Variants in MRPL45 observed in about 807,000 individuals in gnomAD.
MRPL45 encodes the protein large ribosomal subunit protein mL45.
MRPL45 carries 20 observed loss-of-function variants against 38.1 expected under a neutral mutation model. The ratio of observed to expected loss-of-function variants is 0.53; its 90% CI spans 0.37 to 0.76. MRPL45 has a LOEUF of 0.76. MRPL45 is among the 30% of genes least tolerant of loss of function. MRPL45 has a pLI of 0.00. For synonymous variants in MRPL45, 105 were observed against 128.8 expected (o/e 0.82, Z 1.25); for missense variants, 337 against 395.6 (o/e 0.85, Z 1.26).
At chr17:38,309,010 G>C (rs1207415215) in intron 4 of MRPL45, among the ~76,000 whole-genome samples, 2 of 151,518 alleles carry the variant, frequency 1.3e-5, no homozygotes, top group Non-Finnish European at 2.9e-5. Flanking sequence ...AGTTTGAAAC[G>C]ATTCTGCTGC....
chr17:38,313,365 T>C (rs1449979696), intron 4 of MRPL45, among the ~76,000 whole-genome samples: 1 of 18,592 alleles, frequency 5.4e-5, no homozygotes, highest in African/African-American at 2.1e-4. Context: ...TATATATATA[T>C]ACGTATATAT....
intron 4 of MRPL45, among the ~76,000 whole-genome samples, chr17:38,313,367 C>T (rs1390721868): frequency 1.2e-4 from 2 of 17,060 alleles, no homozygotes; most frequent in East Asian, 1.1e-3. Flanking sequence ...TATATATATA[C>T]GTATATATAT....
At chr17:38,312,109 C>T (rs2037118462) in intron 4 of MRPL45, among the ~76,000 whole-genome samples, 2 of 148,734 alleles carry the variant, frequency 1.3e-5, no homozygotes, top group South Asian at 2.1e-4. Context: ...TGTAATGGCT[C>T]GATCTCCAGT....
At chr17:38,314,430 G>C (rs890546501) in intron 4 of MRPL45, among the ~76,000 whole-genome samples, 1 of 152,120 alleles carries the variant, frequency 6.6e-6, no homozygotes, top group African/African-American at 2.4e-5. Context: ...AGTATCCTTT[G>C]ATGCAAAAAA....
intron 3 of MRPL45, among the ~76,000 whole-genome samples, chr17:38,303,680 A>G (rs1289790388): frequency 4.6e-5 from 7 of 151,738 alleles, no homozygotes; most frequent in Non-Finnish European, 8.8e-5. Flanking sequence ...AGTTGCTCTT[A>G]AGGCCAACTG....
intron 4 of MRPL45, among the ~76,000 whole-genome samples, chr17:38,311,557 G>A (rs1205551443): frequency 2.0e-5 from 3 of 152,022 alleles, no homozygotes; most frequent in Non-Finnish European, 4.4e-5. Context: ...GTGGTGGCGT[G>A]TACCTGTAGT....
At chr17:38,304,566 C>CG (rs1391394418) in intron 3 of MRPL45, among the ~76,000 whole-genome samples, 2 of 151,916 alleles carry the variant, frequency 1.3e-5, no homozygotes, top group Non-Finnish European at 2.9e-5. Context: ...TTTTTTGAGA[C>CG]GGAGTCTCAC....
chr17:38,315,440 A>G (rs1331138910), intron 4 of MRPL45, among the ~76,000 whole-genome samples: 3 of 137,824 alleles, frequency 2.2e-5, no homozygotes, highest in East Asian at 2.1e-4. Context: ...TTTTTTTTCT[A>G]ATTTTTTTGT....
chr17:38,317,526 T>G (rs1250279859), intron 4 of MRPL45, among the ~76,000 whole-genome samples: 1 of 152,146 alleles, frequency 6.6e-6, no homozygotes, highest in Admixed American at 6.6e-5. Context: ...TAAAATCTTG[T>G]ATCTATAGGA....
chr17:38,319,784 T>C (rs753765793), intron 5 of MRPL45, among the ~76,000 whole-genome samples: 2 of 152,190 alleles, frequency 1.3e-5, no homozygotes, highest in Middle Eastern at 3.4e-3. Context: ...GATAAGAACT[T>C]TGTGGTTCAG....
At chr17:38,305,449 G>A (rs2037042993) in intron 3 of MRPL45, among the ~76,000 whole-genome samples, 1 of 146,604 alleles carries the variant, frequency 6.8e-6, no homozygotes. Context: ...CCTGTGCGAC[G>A]GAGTGCGAGA....
At position 38,322,122 on chromosome 17, in the gene MRPL45, G is replaced by T. The variant is rs780192270; in HGVS notation, c.661-4G>T. 13 of 1,612,920 alleles carry T rather than the reference G, an allele frequency of 8.1e-6. No individual in the cohort carries two copies. The highest frequency in any genetic ancestry group is 1.1e-5 in the Non-Finnish European group (13 of 1,179,126). ...AGAGGCCAGATTTGCTTTTATCCTT[G>T]CAGACTCTGGCCATCTATGACCGGT... On this transcript the variant is annotated splice_polypyrimidine_tract_variant and splice_region_variant and intron_variant, in intron 6 of 7. Transcript: ENST00000613675.
At chr17:38,308,915 GT>G (rs201149573) in intron 4 of MRPL45, among the ~76,000 whole-genome samples, 10 of 141,846 alleles carry the variant, frequency 7.0e-5, no homozygotes, top group South Asian at 2.3e-4. Context: ...TTTTATTTAT[GT>G]TTTTTTTTTG....
chr17:38,320,527 T>C lies in MRPL45; in HGVS notation c.511-91T>C, dbSNP rs912046991. On this transcript the variant is annotated intron_variant, in intron 5 of 7. Coordinates refer to ENST00000613675, the MANE Select transcript of MRPL45 (RefSeq NM_032351.6). ...TGGGAAACGTGCTGCCTGTTGGCTG[T>C]AGTCTTGCAGGAAGTGAGAGCAGTG... 5 of 1,352,312 alleles carry C rather than the reference T, an allele frequency of 3.7e-6. No individual in the cohort carries two copies. The East Asian group carries it at 9.2e-5, about 25-fold the overall frequency. 83.8% of individuals were successfully genotyped at this position (1,352,312 alleles called of 1,614,324 possible).
intron 3 of MRPL45, among the ~76,000 whole-genome samples, chr17:38,301,917 A>G (rs2037000042): frequency 6.6e-6 from 1 of 151,708 alleles, no homozygotes; most frequent in South Asian, 2.1e-4. Context: ...GGAGATCGAG[A>G]CCATCCTGGC....
intron 4 of MRPL45, among the ~76,000 whole-genome samples, chr17:38,308,975 C>T (rs1045683443): frequency 4.6e-5 from 7 of 151,172 alleles, no homozygotes; most frequent in Admixed American, 2.0e-4. Flanking sequence ...AGCGCAATCT[C>T]GACTTACTGC....
At chr17:38,301,674 T>C (rs980394310) in intron 3 of MRPL45, among the ~76,000 whole-genome samples, 22 of 152,364 alleles carry the variant, frequency 1.4e-4, no homozygotes, top group African/African-American at 4.8e-4. Context: ...TCTCCTGGAC[T>C]GTGAGCAGGG....
rs2144245350 is a variant in MRPL45, at chr17:38,322,995, A to G, written c.*400A>G. On this transcript the variant is annotated 3_prime_UTR_variant, in exon 8 of 8. Transcript: ENST00000613675. ...TTGGAAAAATTTTGGTGAGTTCTGC[A>G]CATTTCCCCTGGTTCAGGCTGGGCA... is the stretch of plus-strand genomic sequence containing the variant. 5.7e-6 allele frequency: 1 copy of G among 175,056 alleles called. No homozygotes were observed. Among genetic ancestry groups the G allele is most frequent in the South Asian group, 1.2e-4 (1 of 8,024 alleles). The allele number at this position is 175,056 out of a possible 1,614,324, so 10.8% of individuals were successfully genotyped here.
At chr17:38,311,718 G>GCTTGTGCAC (rs1373297295) in intron 4 of MRPL45, among the ~76,000 whole-genome samples, 1 of 148,960 alleles carries the variant, frequency 6.7e-6, no homozygotes, top group East Asian at 2.0e-4. Flanking sequence ...ACCTGAGGGA[G>GCTTGTGCAC]CTTGTGCACC....
Sources: allele counts gnomAD v4.1 joint callset (sites outside exome capture counted in the v4.1 genomes callset), GRCh38; gene constraint gnomAD v4.1.1; transcripts MANE v1.5; gene names NCBI Gene and HGNC (gene_info 2026-07-23, HGNC 2026-07-21).